Variants in INF2 observed in about 807,000 individuals in gnomAD.
The protein encoded by INF2 is inverted formin-2.
Under a neutral mutation model 123.5 loss-of-function variants are expected in INF2, and 43 were observed. The observed-to-expected ratio is 0.35, with a 90% confidence interval of 0.27 to 0.45. The LOEUF is 0.45. Among genes scored for constraint, INF2 ranks in the 20% least tolerant of loss-of-function variants. The probability of loss-of-function intolerance (pLI) is 1.00; values close to 1 mark genes in which losing one functional copy is unlikely to be tolerated. For synonymous variants in INF2, 851 were observed against 745.0 expected (o/e 1.14, Z -2.32); for missense variants, 1,453 against 1,682.7 (o/e 0.86, Z 2.39).
rs755797356 is a variant in INF2, at chr14:104,699,980, G to A, written c.-9-1377G>A. Among the ~76,000 whole-genome samples the A allele has an allele frequency of 5.9e-5, 9 of 152,122 alleles. No individual in the cohort carries two copies. Among genetic ancestry groups the A allele is most frequent in the Non-Finnish European group, 1.2e-4 (8 of 67,994 alleles). On this transcript the variant is annotated intron_variant, in intron 1 of 22. Transcript: ENST00000392634. This position sits in a 1 kb window ranked among gnomAD's most constrained non-coding sequence, Gnocchi z 4.7. ...TGCGGGGAGTAGGGGCTGGACTGCC[G>A]GAAACACCAGGCTTGGTCGTGGACC... is the stretch of plus-strand genomic sequence containing the variant.
Position 104,707,282 on chromosome 14 carries a change from G to A in INF2, c.1015G>A (p.Glu339Lys). 2 of 1,609,658 alleles carry A rather than the reference G, an allele frequency of 1.2e-6. No homozygotes were observed. The change falls in exon 8 of 23, where the codon GAG becomes AAG. Residue 339 changes from glutamate (E) to lysine (K), a missense_variant. Coordinates refer to ENST00000392634, the MANE Select transcript of INF2 (RefSeq NM_022489.4). Reference sequence around the variant, plus strand: ...GGAATGCACCCTGGAGGAAGTGGTTGAGCGGCTCCTGTCTGTCAAGGGGCG... The same window carrying A: ...GGAATGCACCCTGGAGGAAGTGGTTAAGCGGCTCCTGTCTGTCAAGGGGCG... ...AQECTLEEVV[E>K]RLLSVKGRPR...
At position 104,699,992 on chromosome 14, in the gene INF2, C is replaced by G. The variant is rs563961577; in HGVS notation, c.-9-1365C>G. Reference sequence around the variant, plus strand: ...GGGCTGGACTGCCGGAAACACCAGGCTTGGTCGTGGACCAGGCTGGGGAGT... The same window carrying G: ...GGGCTGGACTGCCGGAAACACCAGGGTTGGTCGTGGACCAGGCTGGGGAGT... On this transcript the variant is annotated intron_variant, in intron 1 of 22. Transcript: ENST00000392634. This position sits in a 1 kb window ranked among gnomAD's most constrained non-coding sequence, Gnocchi z 4.7. Among the ~76,000 whole-genome samples, 62 of 152,236 alleles carry G rather than the reference C, an allele frequency of 4.1e-4. No individual in the cohort carries two copies. The highest frequency in any genetic ancestry group is 1.8e-3 in the Admixed American group (28 of 15,298).
At chr14:104,715,395 G>A (rs1216513710) in intron 22 of INF2, 55 bp downstream of exon 22, 3 of 1,474,280 alleles carry the variant, frequency 2.0e-6, no homozygotes, top group South Asian at 2.3e-5. Flanking sequence ...GGGCAGTGGG[G>A]CTGGAGCTTG....
At chr14:104,717,723 T>C (rs1890377277) in intron 22 of INF2, 3 of 152,196 alleles carry the variant, frequency 2.0e-5, no homozygotes, top group Admixed American at 2.0e-4. Context: ...GTGGGGACGT[T>C]TGTGGCAGCA....
chr14:104,700,406 C>CCCCCTAGCTCCCT (rs1175362928), intron 1 of INF2, among the ~76,000 whole-genome samples: 7 of 152,160 alleles, frequency 4.6e-5, no homozygotes, highest in Admixed American at 1.3e-4. Context: ...CCAGGCCCGG[C>CCCCCTAGCTCCCT]CCCCTAGCTC....
intron 5 of INF2, chr14:104,704,328 C>T (rs537174603): frequency 5.1e-5 from 24 of 471,468 alleles, no homozygotes; most frequent in East Asian, 4.8e-4. Flanking sequence ...GACAGGGACA[C>T]GGGCTCCAGG....
At chr14:104,695,582 T>TC (rs1555372471) in intron 1 of INF2, among the ~76,000 whole-genome samples, 3 of 149,758 alleles carry the variant, frequency 2.0e-5, no homozygotes, top group Admixed American at 6.6e-5. Flanking sequence ...GCTTGCCGAC[T>TC]CTCCTCCCAG....
intron 1 of INF2, among the ~76,000 whole-genome samples, chr14:104,697,367 C>G (rs899107239): frequency 6.6e-6 from 1 of 152,204 alleles, no homozygotes; most frequent in Non-Finnish European, 1.5e-5. Flanking sequence ...GCCTGTGTGC[C>G]GCTCAGAACC....
At chr14:104,713,170 C>T (rs1297770077) in intron 18 of INF2, 37 bp from the exon 19 acceptor site, 4 of 1,573,072 alleles carry the variant, frequency 2.5e-6, no homozygotes, top group South Asian at 1.1e-5. Flanking sequence ...CTGAGGGATG[C>T]CACGCTGGGG....
At chr14:104,698,172 G>C (rs1283164422) in intron 1 of INF2, among the ~76,000 whole-genome samples, 1 of 152,278 alleles carries the variant, frequency 6.6e-6, no homozygotes, top group Non-Finnish European at 1.5e-5. Context: ...CAGAGGGGAA[G>C]GGTAGCCTGC....
At chr14:104,694,327 G>A (rs937199514) in intron 1 of INF2, among the ~76,000 whole-genome samples, 5 of 152,352 alleles carry the variant, frequency 3.3e-5, no homozygotes, top group African/African-American at 4.8e-5. Flanking sequence ...ATTGCCAAGC[G>A]GCATGTTGCA....
chr14:104,718,278 G>A (rs1235551143), intron 22 of INF2, among the ~76,000 whole-genome samples: 2 of 152,234 alleles, frequency 1.3e-5, no homozygotes, highest in Admixed American at 6.5e-5. Flanking sequence ...ACCAGAAAGC[G>A]AAGAGGGCGT....
At chr14:104,709,808 T>C in intron 12 of INF2, 103 bp downstream of exon 12, 1 of 1,046,220 alleles carries the variant, frequency 9.6e-7, no homozygotes, top group Non-Finnish European at 1.5e-6. Context: ...GCTGTGCCAA[T>C]GGCTGCCCCG....
rs955386597 is a variant in INF2, at chr14:104,713,719, C to T, written c.3040+113C>T. The T allele has an allele frequency of 8.4e-6, 10 of 1,194,060 alleles. No individual in the cohort carries two copies. In the African/African-American group the frequency reaches 1.1e-4, roughly 13 times the overall value. 74.0% of individuals were successfully genotyped at this position (1,194,060 alleles called of 1,614,324 possible). ...AAGCCCTCTCCTCTCCCTGGGCCAC[C>T]CTGGAGGCCCCTAAGACTGGGGACA... is the stretch of plus-strand genomic sequence containing the variant. On this transcript the variant is annotated intron_variant, in intron 20 of 22. Coordinates refer to ENST00000392634, the MANE Select transcript of INF2 (RefSeq NM_022489.4).
chr14:104,682,473 G>A (rs1015586026), intron 1 of INF2, among the ~76,000 whole-genome samples: 2 of 152,202 alleles, frequency 1.3e-5, no homozygotes, highest in Non-Finnish European at 2.9e-5. Flanking sequence ...TGGGGCGCGG[G>A]GCAGGGCCAG....
At position 104,713,665 on chromosome 14, in the gene INF2, C is replaced by T. The variant is rs1010187339; in HGVS notation, c.3040+59C>T. 16 of 1,563,598 alleles carry T rather than the reference C, an allele frequency of 1.0e-5. No individual in the cohort carries two copies. The Admixed American group carries it at 2.4e-4, about 24-fold the overall frequency. Reference sequence around the variant, plus strand: ...CCTTGCCACTGTCCCTACCCTGTGCCTCCAGGAAGTCCTCCTGACTTCACT... The same window carrying T: ...CCTTGCCACTGTCCCTACCCTGTGCTTCCAGGAAGTCCTCCTGACTTCACT... On this transcript the variant is annotated intron_variant, in intron 20 of 22. Coordinates refer to ENST00000392634, the MANE Select transcript of INF2 (RefSeq NM_022489.4).
chr14:104,695,004 A>G (rs930031383), intron 1 of INF2, among the ~76,000 whole-genome samples: 1 of 152,226 alleles, frequency 6.6e-6, no homozygotes, highest in Admixed American at 6.5e-5. Context: ...TTCTGAGGAC[A>G]GAGGAGGGAC....
At chr14:104,709,957 G>C (rs1337283803) in intron 12 of INF2, 131 bp from the exon 13 acceptor site, 3 of 849,312 alleles carry the variant, frequency 3.5e-6, no homozygotes, top group African/African-American at 1.7e-5. Flanking sequence ...GAGGGTGCCT[G>C]TTGGATGGGG....
At chr14:104,705,988 T>C (rs770158924) in intron 5 of INF2, 47 bp from the exon 6 acceptor site, 2 of 1,589,730 alleles carry the variant, frequency 1.3e-6, no homozygotes, top group Non-Finnish European at 1.7e-6. Flanking sequence ...GCCTGCGTGT[T>C]GGTGGTGGCA....
Sources: gnomAD v4.1 joint callset for allele counts (sites outside exome capture counted in the v4.1 genomes callset) on GRCh38, gnomAD v4.1.1 for gene constraint, Gnocchi (gnomAD v3.1) non-coding constraint, MANE v1.5 for transcripts, NCBI Gene and HGNC (gene_info 2026-07-23, HGNC 2026-07-21) for gene names.